DBF4: variants seen among roughly 807,000 people sequenced by gnomAD.
DBF4 encodes the protein protein DBF4 homolog A.
In DBF4, 25 loss-of-function variants were observed where a neutral mutation model predicts 76.6. The ratio of observed to expected loss-of-function variants is 0.33; its 90% confidence interval spans 0.24 to 0.46. The LOEUF (loss-of-function observed/expected upper bound fraction) is 0.46, where lower values mean the gene tolerates loss of function less well. Among genes scored for constraint, DBF4 ranks in the 20% least tolerant of loss-of-function variants. DBF4 has a pLI of 1.00. For missense variants in DBF4, 638 were observed against 760.8 expected (o/e 0.84, Z 1.90); for synonymous variants, 213 against 258.0 (o/e 0.83, Z 1.67).
intron 7 of DBF4, among the ~76,000 whole-genome samples, chr7:87,897,034 C>T (rs1339765248): frequency 4.6e-5 from 7 of 152,152 alleles, no homozygotes; most frequent in African/African-American, 1.7e-4. Flanking sequence ...TGTAGTTTTT[C>T]TCCTGTTCTA....
rs551792013 is a variant in DBF4 at position 87,897,652 on chromosome 7, C to T, written c.680+313C>T. On this transcript the variant is annotated intron_variant, in intron 8 of 11. Transcript: ENST00000265728. ...ATGATTTAGAACTACTGAAAGATTACGCCTTCATTTGCGAAAAAGAAATTA... is the reference window on the plus strand; with the variant it reads ...ATGATTTAGAACTACTGAAAGATTATGCCTTCATTTGCGAAAAAGAAATTA... Among the ~76,000 whole-genome samples, 30 of 152,230 alleles carry T rather than the reference C, an allele frequency of 2.0e-4. No homozygotes were observed. In the East Asian group the frequency reaches 5.6e-3, roughly 28 times the overall value.
chr7:87,876,904 C>T, intron 1 of DBF4, 126 bp downstream of exon 1: 2 of 1,036,010 alleles, frequency 1.9e-6, no homozygotes, highest in South Asian at 2.8e-5. Context: ...CCTCTGGGGT[C>T]TGAAGGAAGG....
intron 2 of DBF4, 40 bp downstream of exon 2, chr7:87,878,265 G>T (rs1479427757): frequency 2.0e-6 from 3 of 1,490,188 alleles, no homozygotes; most frequent in African/African-American, 1.4e-5. Flanking sequence ...GGAAAAATTT[G>T]TAACTAGTAC....
chr7:87,888,113 G>A (rs1295264961), intron 6 of DBF4, 54 bp downstream of exon 6: 6 of 1,498,880 alleles, frequency 4.0e-6, no homozygotes, highest in Middle Eastern at 1.9e-4. Context: ...TTTTACTTAC[G>A]TATTTGCAAA....
intron 10 of DBF4, among the ~76,000 whole-genome samples, chr7:87,901,167 AAAG>A (rs150092984): frequency 0.022 from 3,386 of 152,280 alleles, 135 homozygotes; most frequent in African/African-American, 0.077. Flanking sequence ...CCACAGGATA[AAAG>A]AAGAATAAAA....
chr7:87,882,494 T>C, intron 2 of DBF4, among the ~76,000 whole-genome samples: 1 of 152,236 alleles, frequency 6.6e-6, no homozygotes, highest in Non-Finnish European at 1.5e-5. Flanking sequence ...TAAGAACTTT[T>C]GTGCCTCAAA....
intron 6 of DBF4, among the ~76,000 whole-genome samples, chr7:87,890,108 G>C (rs1051041865): frequency 6.6e-6 from 1 of 152,106 alleles, no homozygotes; most frequent in African/African-American, 2.4e-5. Context: ...TCTGAAATAA[G>C]TTTCATAGAA....
At chr7:87,882,430 A>G (rs575429619) in intron 2 of DBF4, among the ~76,000 whole-genome samples, 1 of 152,326 alleles carries the variant, frequency 6.6e-6, no homozygotes, top group South Asian at 2.1e-4. Flanking sequence ...CTTGGATATG[A>G]TACCAAAATC....
Position 87,907,558 on chromosome 7 carries a change from T to A in DBF4, c.1420T>A (p.Leu474Ile). 1 of 1,614,114 alleles carries A rather than the reference T, an allele frequency of 6.2e-7. No homozygotes were observed. Among genetic ancestry groups the A allele is most frequent in the South Asian group, 1.1e-5 (1 of 91,084 alleles). ...CGAACACACATTAAGTGAAAATGAC[T>A]TAGAAGAACTAAGGGTAGATCACTA... ...ISEHTLSENDLEELRVDHYKC... is the reference protein window; with the variant it reads ...ISEHTLSENDIEELRVDHYKC... Residue 474 changes from leucine (L) to isoleucine (I), a missense_variant, in exon 12 of 12, where the codon TTA becomes ATA. Leu to Ile is a conservative substitution (Grantham distance 5). Coordinates refer to ENST00000265728, the MANE Select transcript of DBF4 (RefSeq NM_006716.4).
At chr7:87,881,095 CTG>C (rs1164112815) in intron 2 of DBF4, among the ~76,000 whole-genome samples, 41 of 152,294 alleles carry the variant, frequency 2.7e-4, no homozygotes, top group Non-Finnish European at 1.2e-4. Flanking sequence ...GCACTGCACT[CTG>C]TGTTTTGGTA....
chr7:87,901,396 G>A (rs1020164587), intron 10 of DBF4, among the ~76,000 whole-genome samples: 5 of 152,150 alleles, frequency 3.3e-5, no homozygotes, highest in Non-Finnish European at 7.3e-5. Flanking sequence ...GATATTGATA[G>A]TCCAGACTAA....
intron 2 of DBF4, among the ~76,000 whole-genome samples, chr7:87,883,998 G>A (rs1457440662): frequency 6.6e-6 from 1 of 151,574 alleles, no homozygotes; most frequent in Non-Finnish European, 1.5e-5. Flanking sequence ...CTTCACTTTG[G>A]TACATGTCTT....
intron 8 of DBF4, among the ~76,000 whole-genome samples, chr7:87,899,550 C>T (rs1002883527): frequency 6.6e-6 from 1 of 152,184 alleles, no homozygotes; most frequent in Admixed American, 6.5e-5. Flanking sequence ...ATCTAAACCA[C>T]AGTGAGATAC....
chr7:87,900,492 A>G, intron 9 of DBF4, 143 bp downstream of exon 9: 1 of 1,021,038 alleles, frequency 9.8e-7, no homozygotes, highest in South Asian at 1.8e-5. Flanking sequence ...ATAAGTCTGA[A>G]TCTGTTTAGA....
At position 87,908,133 on chromosome 7, in the gene DBF4, C is replaced by T. The variant is rs1839956585; in HGVS notation, c.1995C>T (p.Ser665=). The part of the protein sequence containing the change: ...SDNLLTAFFS[S]PSTSTFTGF ...ATCTGTTAACAGCGTTTTTCTCGTC[C>T]CCTTCAACTTCTACATTTACTGGCT... The change falls in exon 12 of 12, where the codon TCC becomes TCT. Residue 665 remains serine (S), a synonymous_variant. Transcript: ENST00000265728. The T allele has an allele frequency of 1.9e-6, 3 of 1,594,878 alleles. No homozygotes were observed. Among genetic ancestry groups the T allele is most frequent in the Non-Finnish European group, 2.6e-6 (3 of 1,171,582 alleles).
Position 87,907,639 on chromosome 7 carries a change from G to A in DBF4, c.1501G>A (p.Gly501Arg). The change falls in exon 12 of 12, where the codon GGA (glycine) becomes AGA (arginine). Residue 501 changes from glycine to arginine, a missense_variant. By Grantham distance (125) the Gly-to-Arg change is moderately radical (BLOSUM62 -2). Transcript: ENST00000265728. ...TTCTGATTTCAGTACAGATAATAGT[G>A]GATCTCAACCAAAACAGAAGTCAGA... ...HVSDFSTDNSGSQPKQKSDTV... is the reference protein window; with the variant it reads ...HVSDFSTDNSRSQPKQKSDTV... 6.2e-7 allele frequency: 1 copy of A among 1,613,990 alleles called. No homozygotes were observed. Among genetic ancestry groups the A allele is most frequent in the Non-Finnish European group, 8.5e-7 (1 of 1,179,942 alleles).
At chr7:87,904,117 C>CTTTTA (rs111282388) in intron 10 of DBF4, among the ~76,000 whole-genome samples, 175 bp from the exon 11 acceptor site, 50 of 152,206 alleles carry the variant, frequency 3.3e-4, no homozygotes, top group Non-Finnish European at 5.3e-4. Flanking sequence ...TCAAAAGTGA[C>CTTTTA]TTTTATTTTA....
intron 10 of DBF4, among the ~76,000 whole-genome samples, chr7:87,903,689 CTTT>C (rs56740998): frequency 1.0e-5 from 1 of 98,102 alleles, no homozygotes; most frequent in African/African-American, 4.0e-5. Context: ...CTCTGTATCC[CTTT>C]TTTTTTTTTT....
intron 2 of DBF4, among the ~76,000 whole-genome samples, chr7:87,879,883 G>A (rs1233790942): frequency 2.0e-5 from 3 of 151,820 alleles, no homozygotes; most frequent in African/African-American, 2.4e-5. Flanking sequence ...AACCTGGGAG[G>A]CGGAGGTTGC....
Sources: gnomAD v4.1 joint callset for allele counts (sites outside exome capture counted in the v4.1 genomes callset) on GRCh38, gnomAD v4.1.1 for gene constraint, MANE v1.5 for transcripts, NCBI Gene and HGNC (gene_info 2026-07-23, HGNC 2026-07-21) for gene names.